The following PTPRD variants were observed in gnomAD, a reference collection of about 807,000 sequenced individuals.
PTPRD encodes the protein receptor-type tyrosine-protein phosphatase delta.
Under a neutral mutation model 214.5 loss-of-function variants are expected in PTPRD, and 34 were observed. The ratio of observed to expected loss-of-function variants is 0.16; its 90% CI spans 0.12 to 0.21. The LOEUF is 0.21. Among genes scored for constraint, PTPRD ranks in the 10% least tolerant of loss-of-function variants. The pLI is 1.00. For synonymous variants in PTPRD, 1,128 were observed against 845.7 expected (o/e 1.33, Z -5.79); for missense variants, 2,545 against 2,398.7 (o/e 1.06, Z -1.27).
Position 8,871,796 on chromosome 9 carries a change from GCTTAA to G in PTPRD, c.-103-137855_-103-137851del, listed in dbSNP as rs371699476. On this transcript the variant is annotated intron_variant, in intron 11 of 45. Coordinates refer to ENST00000381196, the MANE Select transcript of PTPRD (RefSeq NM_002839.4). ...TACAGCAATAATAATAATAATAATA[GCTTAA>G]CTTAATTCAAAATTTCGTGTGACAT... is the stretch of plus-strand genomic sequence containing the variant. Among the ~76,000 whole-genome samples, 93 of 151,722 alleles carry G rather than the reference GCTTAA, an allele frequency of 6.1e-4. 1 individual carries two copies. Among genetic ancestry groups the G allele is most frequent in the African/African-American group, 2.1e-3 (87 of 41,456 alleles).
intron 8 of PTPRD, among the ~76,000 whole-genome samples, chr9:9,552,642 G>T (rs1163474099): frequency 6.6e-6 from 1 of 151,992 alleles, no homozygotes; most frequent in Non-Finnish European, 1.5e-5. Context: ...GTGTTTTGCA[G>T]ACATTGCTTC....
chr9:9,969,975 C>T (rs2094974737), intron 4 of PTPRD, among the ~76,000 whole-genome samples: 1 of 152,072 alleles, frequency 6.6e-6, no homozygotes, highest in Non-Finnish European at 1.5e-5. Flanking sequence ...CTTTATGATT[C>T]AAGATGCATC....
At chr9:8,893,464 C>T (rs1420462227) in intron 11 of PTPRD, among the ~76,000 whole-genome samples, 1 of 152,138 alleles carries the variant, frequency 6.6e-6, no homozygotes, top group African/African-American at 2.4e-5. Context: ...TCAACATTTC[C>T]AGTAATCAGA....
At chr9:9,280,266 T>C (rs750073423) in intron 9 of PTPRD, among the ~76,000 whole-genome samples, 1 of 151,250 alleles carries the variant, frequency 6.6e-6, no homozygotes, top group Non-Finnish European at 1.5e-5. Context: ...AGTATAATTC[T>C]GGAACCCAAC....
chr9:8,820,063 G>C (rs10977312), intron 11 of PTPRD, among the ~76,000 whole-genome samples: 20,849 of 152,156 alleles, frequency 0.14, 1,647 homozygotes, highest in East Asian at 0.25. Flanking sequence ...TTCTCTGTTT[G>C]TAAGAGCAGA....
At position 9,064,098 on chromosome 9, in the gene PTPRD, A is replaced by T. The variant is rs10115112; in HGVS notation, c.-142-45363T>A. On this transcript the variant is annotated intron_variant, in intron 10 of 45. Transcript: ENST00000381196. The stretch of plus-strand genomic sequence containing the variant: ...GCTAATAATATACCATAATATACAA[A>T]TTGTTATATATCATGTTGTAGAAAA... 5.3e-3 allele frequency among the ~76,000 whole-genome samples: 809 copies of T among 152,242 alleles called. 12 individuals are homozygous for T. The highest frequency in any genetic ancestry group is 0.022 in the East Asian group (116 of 5,176).
At chr9:8,333,156 T>C (rs1291464388) in intron 43 of PTPRD, among the ~76,000 whole-genome samples, 2 of 152,158 alleles carry the variant, frequency 1.3e-5, no homozygotes, top group African/African-American at 4.8e-5. Flanking sequence ...TAGAGAAAAC[T>C]ATTTGGCCCC....
At chr9:9,879,943 C>T (rs779324942) in intron 5 of PTPRD, among the ~76,000 whole-genome samples, 17 of 152,080 alleles carry the variant, frequency 1.1e-4, no homozygotes, top group Non-Finnish European at 2.2e-4. Flanking sequence ...AACTTTATGC[C>T]TGAAGTAAAA....
In PTPRD at chr9:8,485,275, C is replaced by T. The variant is rs2135861326; in HGVS notation, c.3105G>A (p.Leu1035=). 6.2e-7 allele frequency: 1 copy of T among 1,614,116 alleles called. No individual in the cohort carries two copies. Among genetic ancestry groups the T allele is most frequent in the Non-Finnish European group, 8.5e-7 (1 of 1,179,990 alleles). ...HVKAVMKTSV[L]LSWEIPENYN... ...AATTCTCTGGAATCTCCCAAGACAG[C>T]AACACGGAAGTCTTCATTACTGCTT... is the stretch of plus-strand genomic sequence containing the variant. The change falls in exon 29 of 46, where the codon TTG becomes TTA. Residue 1035 remains leucine (L), a synonymous_variant. Transcript: ENST00000381196.
At chr9:8,994,980 G>T (rs2099390964) in intron 11 of PTPRD, among the ~76,000 whole-genome samples, 1 of 151,970 alleles carries the variant, frequency 6.6e-6, no homozygotes, top group Non-Finnish European at 1.5e-5. Context: ...CCCCAAATCT[G>T]CCCTCCTTCC....
intron 9 of PTPRD, among the ~76,000 whole-genome samples, chr9:9,342,369 A>AT (rs1252013957): frequency 6.6e-6 from 1 of 152,252 alleles, no homozygotes; most frequent in Non-Finnish European, 1.5e-5. Context: ...TTTGTATACT[A>AT]TTTTTTGTTT....
At chr9:9,329,326 A>T (rs1595873679) in intron 9 of PTPRD, among the ~76,000 whole-genome samples, 2 of 152,230 alleles carry the variant, frequency 1.3e-5, no homozygotes, top group South Asian at 4.1e-4. Context: ...CAGAGATTAC[A>T]GTCTATATGA....
At chr9:8,319,108 T>C (rs1824661895) in intron 45 of PTPRD, among the ~76,000 whole-genome samples, 2 of 152,074 alleles carry the variant, frequency 1.3e-5, no homozygotes, top group African/African-American at 4.8e-5. Flanking sequence ...GTTTTGACTA[T>C]TGCAAGCCAA....
chr9:9,407,998 A>G (rs1161487405), intron 8 of PTPRD, among the ~76,000 whole-genome samples: 3 of 151,794 alleles, frequency 2.0e-5, no homozygotes, highest in Admixed American at 6.6e-5. Context: ...ACAGGGAGGC[A>G]ATCTGCCTGT....
At chr9:10,228,770 A>T (rs2154354352) in intron 3 of PTPRD, among the ~76,000 whole-genome samples, 1 of 149,474 alleles carries the variant, frequency 6.7e-6, no homozygotes, top group South Asian at 2.1e-4. Context: ...TCATATATGT[A>T]TAAATATGTG....
intron 9 of PTPRD, among the ~76,000 whole-genome samples, chr9:9,279,596 A>T (rs893302149): frequency 6.6e-6 from 1 of 150,684 alleles, no homozygotes; most frequent in Non-Finnish European, 1.5e-5. Context: ...ATTACAAAGC[A>T]TGGGATTTCA....
intron 8 of PTPRD, among the ~76,000 whole-genome samples, chr9:9,433,479 T>C (rs528590833): frequency 1.3e-5 from 2 of 152,218 alleles, no homozygotes; most frequent in East Asian, 1.9e-4. Context: ...AGGATTCTTC[T>C]CTTTTTATTT....
chr9:9,356,167 C>A (rs2053690882), intron 9 of PTPRD, among the ~76,000 whole-genome samples: 1 of 150,700 alleles, frequency 6.6e-6, no homozygotes, highest in Non-Finnish European at 1.5e-5. Flanking sequence ...GAAAAAGAAC[C>A]AAGGAATAGG....
At chr9:8,542,036 T>C (rs1006314474) in intron 14 of PTPRD, among the ~76,000 whole-genome samples, 1 of 152,036 alleles carries the variant, frequency 6.6e-6, no homozygotes. Flanking sequence ...TTGTCAAGCA[T>C]CCACATAAAT....
Sources: allele counts gnomAD v4.1 joint callset (sites outside exome capture counted in the v4.1 genomes callset), GRCh38; gene constraint gnomAD v4.1.1; transcripts MANE v1.5; gene names NCBI Gene and HGNC (gene_info 2026-07-23, HGNC 2026-07-21).